NRF1: variants seen among roughly 807,000 people sequenced by gnomAD.
NRF1 encodes nuclear respiratory factor 1, also known as alpha palindromic-binding protein.
NRF1 carries 5 observed loss-of-function variants against 58.5 expected under a neutral mutation model. The ratio of observed to expected loss-of-function variants is 0.09; its 90% CI spans 0.04 to 0.18. NRF1 has a LOEUF of 0.18. NRF1 is among the 10% of genes least tolerant of loss of function. The pLI is 1.00. For missense variants in NRF1, 288 were observed against 657.7 expected (o/e 0.44, Z 6.15); for synonymous variants, 224 against 246.7 (o/e 0.91, Z 0.86).
chr7:129,722,725 G>A (rs113508787), intron 9 of NRF1, among the ~76,000 whole-genome samples: 5 of 152,314 alleles, frequency 3.3e-5, no homozygotes, highest in East Asian at 1.9e-4. Flanking sequence ...AAGTGGAAAT[G>A]AGTATGATCA....
At chr7:129,733,831 C>T (rs1465951177) in intron 10 of NRF1, among the ~76,000 whole-genome samples, 1 of 152,030 alleles carries the variant, frequency 6.6e-6, no homozygotes, top group East Asian at 1.9e-4. Context: ...CAAGACCAGC[C>T]TGGGCAACAT....
chr7:129,694,173 A>G (rs1802633351), intron 5 of NRF1, among the ~76,000 whole-genome samples: 1 of 152,208 alleles, frequency 6.6e-6, no homozygotes, highest in Non-Finnish European at 1.5e-5. Flanking sequence ...TAAAAAGTCA[A>G]CCATAACAAA....
chr7:129,623,345 A>G (rs2151057512), intron 1 of NRF1, among the ~76,000 whole-genome samples: 1 of 150,862 alleles, frequency 6.6e-6, no homozygotes, highest in African/African-American at 2.4e-5. Context: ...TATTAGTAGT[A>G]GCAATAGTAT....
rs568624880 is a variant in NRF1 at position 129,741,199 on chromosome 7, C to T, written c.1349-13819C>T. On this transcript the variant is annotated intron_variant, in intron 10 of 10. Coordinates refer to ENST00000393232, the MANE Select transcript of NRF1 (RefSeq NM_005011.5). The surrounding 1 kb of genome is among the most constrained non-coding windows in gnomAD (Gnocchi z 4.0). The stretch of plus-strand genomic sequence containing the variant: ...CCTATGAACAGAACACCAATCTGAG[C>T]CAGGGACATTCCGAGCAGACAACTC... Among the ~76,000 whole-genome samples, 1 of 152,260 alleles carries T rather than the reference C, an allele frequency of 6.6e-6. No homozygotes were observed. Among genetic ancestry groups the T allele is most frequent in the African/African-American group, 2.4e-5 (1 of 41,538 alleles).
In NRF1 at chr7:129,683,320, T is replaced by TGA. The variant is rs72404049; in HGVS notation, c.465+5587_465+5588dup. Among the ~76,000 whole-genome samples, 598 of 136,446 alleles carry TGA rather than the reference T, an allele frequency of 4.4e-3. 3 individuals carry two copies. Among genetic ancestry groups the TGA allele is most frequent in the East Asian group, 0.032 (113 of 3,506 alleles). The allele number at this position is 136,446 out of a possible 152,430, so 89.5% of individuals were successfully genotyped here. ...GTGTGTGTGTGTGTGTGTGTGTGTG[T>TGA]GAGAGAGAGAGAGAGAGAGAGAGAG... On this transcript the variant is annotated intron_variant, in intron 4 of 10. Coordinates refer to ENST00000393232, the MANE Select transcript of NRF1 (RefSeq NM_005011.5).
intron 9 of NRF1, among the ~76,000 whole-genome samples, chr7:129,724,395 G>A (rs1803402127): frequency 6.6e-5 from 10 of 152,188 alleles, no homozygotes; most frequent in Admixed American, 6.5e-4. Flanking sequence ...TGTTGGTGAG[G>A]ATGTGGAGAA....
At chr7:129,641,907 C>A (rs7784920) in intron 1 of NRF1, 29,028 of 151,938 alleles carry the variant, frequency 0.19, 3,026 homozygotes, top group East Asian at 0.47. Context: ...TCTCGATCTC[C>A]TGACCTTGTG....
In NRF1 at chr7:129,650,903, C is replaced by T. The variant is rs139313330; in HGVS notation, c.-6-6443C>T. On this transcript the variant is annotated intron_variant, in intron 1 of 10. Transcript: ENST00000393232. ...TAGCTATCCAGGGAATCTAACTCCTCATGGAGGAAAGCTAAAATGCTTCAC... is the reference window on the plus strand; with the variant it reads ...TAGCTATCCAGGGAATCTAACTCCTTATGGAGGAAAGCTAAAATGCTTCAC... Among the ~76,000 whole-genome samples the T allele has an allele frequency of 2.3e-4, 35 of 152,280 alleles. No individual in the cohort carries two copies. In the East Asian group the frequency reaches 6.4e-3, roughly 28 times the overall value.
chr7:129,682,181 G>A (rs1352835383), intron 4 of NRF1, among the ~76,000 whole-genome samples: 1 of 151,202 alleles, frequency 6.6e-6, no homozygotes, highest in Non-Finnish European at 1.5e-5. Flanking sequence ...CCACCATGGG[G>A]GGGCATGGTG....
intron 5 of NRF1, among the ~76,000 whole-genome samples, chr7:129,706,391 C>T (rs1019039040): frequency 3.9e-5 from 6 of 152,090 alleles, no homozygotes; most frequent in African/African-American, 1.4e-4. Flanking sequence ...ATACACTAGC[C>T]TTGGGCCAAA....
intron 9 of NRF1, among the ~76,000 whole-genome samples, chr7:129,719,663 C>G (rs184313200): frequency 6.6e-6 from 1 of 152,046 alleles, no homozygotes; most frequent in African/African-American, 2.4e-5. Context: ...CACGTATATA[C>G]TCATCATGTT....
At chr7:129,715,594 T>C (rs1475626864) in intron 8 of NRF1, among the ~76,000 whole-genome samples, 1 of 152,238 alleles carries the variant, frequency 6.6e-6, no homozygotes, top group Non-Finnish European at 1.5e-5. Flanking sequence ...GCATTTACCC[T>C]ATAAATAGAC....
chr7:129,637,113 T>C (rs1269532439), intron 1 of NRF1, among the ~76,000 whole-genome samples: 1 of 152,174 alleles, frequency 6.6e-6, no homozygotes, highest in Non-Finnish European at 1.5e-5. Flanking sequence ...TTTCCACTTG[T>C]GCTCTGGAGT....
At chr7:129,727,547 G>T (rs1013162966) in intron 10 of NRF1, among the ~76,000 whole-genome samples, 182 bp downstream of exon 10, 5 of 152,144 alleles carry the variant, frequency 3.3e-5, no homozygotes, top group Admixed American at 6.5e-5. Flanking sequence ...TAGGAAACAT[G>T]GGGGTTCCTG....
chr7:129,662,473 T>G (rs1417834940), intron 2 of NRF1, among the ~76,000 whole-genome samples: 3 of 151,752 alleles, frequency 2.0e-5, no homozygotes, highest in African/African-American at 7.3e-5. Flanking sequence ...AAAAAATTTC[T>G]TTTAAACAAA....
At position 129,615,849 on chromosome 7, in the gene NRF1, A is replaced by T. The variant is rs188970444; in HGVS notation, c.-7+4025A>T. Among the ~76,000 whole-genome samples the T allele has an allele frequency of 2.2e-3, 340 of 152,328 alleles. 3 individuals are homozygous for T. Among genetic ancestry groups the T allele is most frequent in the African/African-American group, 7.4e-3 (309 of 41,580 alleles). ...AAGGTAAACAGACTGGAAGATAAATAGTAAAAGGAGGTGAAACAAATGAAT... is the reference window on the plus strand; with the variant it reads ...AAGGTAAACAGACTGGAAGATAAATTGTAAAAGGAGGTGAAACAAATGAAT... On this transcript the variant is annotated intron_variant, in intron 1 of 10. Coordinates refer to ENST00000393232, the MANE Select transcript of NRF1 (RefSeq NM_005011.5).
chr7:129,677,766 A>C lies in NRF1; in HGVS notation c.465+8A>C. 3.1e-6 allele frequency: 5 copies of C among 1,613,242 alleles called. No individual in the cohort carries two copies. The highest frequency in any genetic ancestry group is 4.2e-6 in the Non-Finnish European group (5 of 1,179,750). On this transcript the variant is annotated splice_region_variant and intron_variant, in intron 4 of 10. Coordinates refer to ENST00000393232, the MANE Select transcript of NRF1 (RefSeq NM_005011.5). ...GCACCTTTGGAGAATGTGGTAAGTC[A>C]GAACCAAGCTGTTCTCATTTGCCCT...
At chr7:129,652,697 TCTC>T (rs1801564426) in intron 1 of NRF1, among the ~76,000 whole-genome samples, 1 of 152,124 alleles carries the variant, frequency 6.6e-6, no homozygotes, top group South Asian at 2.1e-4. Flanking sequence ...TTCACGCCAT[TCTC>T]CTACCTCAGC....
intron 8 of NRF1, among the ~76,000 whole-genome samples, chr7:129,713,114 T>C (rs1484197067): frequency 1.4e-5 from 2 of 142,286 alleles, no homozygotes; most frequent in Non-Finnish European, 3.1e-5. Context: ...TTTTTTTTCC[T>C]GAGACGGAAT....
Sources: gnomAD v4.1 joint callset for allele counts (sites outside exome capture counted in the v4.1 genomes callset) on GRCh38, gnomAD v4.1.1 for gene constraint, Gnocchi (gnomAD v3.1) non-coding constraint, MANE v1.5 for transcripts, NCBI Gene and HGNC (gene_info 2026-07-23, HGNC 2026-07-21) for gene names.